ZFPM2: variants seen among roughly 807,000 people sequenced by gnomAD.
ZFPM2 encodes zinc finger protein ZFPM2.
Under a neutral mutation model 98.6 loss-of-function variants are expected in ZFPM2, and 20 were observed. The observed-to-expected ratio is 0.20, with a 90% CI of 0.14 to 0.29. The LOEUF is 0.29. ZFPM2 is among the 10% of genes least tolerant of loss of function. The pLI is 1.00. For synonymous variants in ZFPM2, 518 were observed against 502.7 expected (o/e 1.03, Z -0.41); for missense variants, 1,310 against 1,388.6 (o/e 0.94, Z 0.90).
chr8:105,650,458 A>C (rs1586174238), intron 5 of ZFPM2, among the ~76,000 whole-genome samples: 1 of 151,984 alleles, frequency 6.6e-6, no homozygotes, highest in African/African-American at 2.4e-5. Context: ...AGTTCTTTCA[A>C]TTGTGATATT....
At chr8:105,476,687 T>G (rs1813018563) in intron 3 of ZFPM2, among the ~76,000 whole-genome samples, 1 of 152,322 alleles carries the variant, frequency 6.6e-6, no homozygotes, top group South Asian at 2.1e-4. Context: ...TTGCATAGTA[T>G]AGGGCCCATA....
intron 3 of ZFPM2, among the ~76,000 whole-genome samples, chr8:105,478,629 G>A (rs1257977888): frequency 6.6e-6 from 1 of 152,226 alleles, no homozygotes; most frequent in South Asian, 2.1e-4. Flanking sequence ...TAAAATCTGA[G>A]TTAAATAAGA....
intron 3 of ZFPM2, among the ~76,000 whole-genome samples, chr8:105,552,588 T>C (rs1375044478): frequency 6.6e-6 from 1 of 152,104 alleles, no homozygotes; most frequent in African/African-American, 2.4e-5. Context: ...TTTCCGAACA[T>C]TTGCAAGAGC....
chr8:105,652,482 C>T (rs2130871045), intron 5 of ZFPM2, among the ~76,000 whole-genome samples: 1 of 151,464 alleles, frequency 6.6e-6, no homozygotes, highest in African/African-American at 2.4e-5. Context: ...ATCAGAAATA[C>T]ATATAGATAA....
intron 7 of ZFPM2, among the ~76,000 whole-genome samples, chr8:105,800,458 GATAGAGATAAACT>G (rs1813967113): frequency 6.6e-6 from 1 of 151,612 alleles, no homozygotes; most frequent in African/African-American, 2.4e-5. Context: ...ATCAGCCCTG[GATAGAGATAAACT>G]ATGTTCAGCA....
At chr8:105,394,116 A>T (rs537649496) in intron 1 of ZFPM2, among the ~76,000 whole-genome samples, 5 of 152,176 alleles carry the variant, frequency 3.3e-5, no homozygotes, top group South Asian at 2.1e-4. Flanking sequence ...GATGGTCTCT[A>T]TCTCCTGACC....
chr8:105,608,171 C>T (rs1816233769), intron 4 of ZFPM2, among the ~76,000 whole-genome samples: 1 of 151,940 alleles, frequency 6.6e-6, no homozygotes, highest in Admixed American at 6.6e-5. Flanking sequence ...ACACTGGGGA[C>T]TACTTGAGTT....
chr8:105,409,224 T>C (rs1811527581), intron 1 of ZFPM2, among the ~76,000 whole-genome samples: 1 of 151,924 alleles, frequency 6.6e-6, no homozygotes, highest in African/African-American at 2.4e-5. Context: ...TCAAACAGCA[T>C]GCCATAATTT....
At chr8:105,422,639 A>G (rs1811818998) in intron 2 of ZFPM2, among the ~76,000 whole-genome samples, 1 of 152,144 alleles carries the variant, frequency 6.6e-6, no homozygotes, top group Non-Finnish European at 1.5e-5. Context: ...ATGGGTCCCA[A>G]GCATAAAAAT....
chr8:105,393,283 A>G (rs1490539117), intron 1 of ZFPM2, among the ~76,000 whole-genome samples: 1 of 151,484 alleles, frequency 6.6e-6, no homozygotes, highest in Admixed American at 6.6e-5. Context: ...AAGAAATTAT[A>G]TTCTTCAGAA....
At chr8:105,388,625 CAT>C (rs1811047611) in intron 1 of ZFPM2, among the ~76,000 whole-genome samples, 1 of 152,122 alleles carries the variant, frequency 6.6e-6, no homozygotes, top group South Asian at 2.1e-4. Flanking sequence ...TTGGGACAAA[CAT>C]AATGGGATTT....
chr8:105,622,653 G>A (rs932340908), intron 4 of ZFPM2, among the ~76,000 whole-genome samples: 2 of 152,240 alleles, frequency 1.3e-5, no homozygotes, highest in South Asian at 4.1e-4. Flanking sequence ...AGCATGTTGA[G>A]TGGATCTGTT....
At chr8:105,680,631 T>C (rs1810579215) in intron 5 of ZFPM2, among the ~76,000 whole-genome samples, 1 of 152,180 alleles carries the variant, frequency 6.6e-6, no homozygotes, top group Non-Finnish European at 1.5e-5. Context: ...AGAGAAATTA[T>C]GTTCCTTTTT....
chr8:105,596,596 G>A (rs1279622054), intron 4 of ZFPM2, among the ~76,000 whole-genome samples: 3 of 151,878 alleles, frequency 2.0e-5, no homozygotes, highest in Non-Finnish European at 4.4e-5. Context: ...GGGATCTAAA[G>A]CTTCTTTTGT....
chr8:105,358,349 T>C (rs1220826568), intron 1 of ZFPM2: 1 of 152,120 alleles, frequency 6.6e-6, no homozygotes, highest in Non-Finnish European at 1.5e-5. Flanking sequence ...CCCCAAGGTT[T>C]ATTTTTAATG....
intron 1 of ZFPM2, among the ~76,000 whole-genome samples, chr8:105,401,303 G>C (rs2129983820): frequency 6.6e-6 from 1 of 151,740 alleles, no homozygotes; most frequent in African/African-American, 2.4e-5. Context: ...TTTTTAAAAT[G>C]GAACAAGCTT....
At chr8:105,792,007 G>A (rs1445108766) in intron 6 of ZFPM2, among the ~76,000 whole-genome samples, 2 of 151,988 alleles carry the variant, frequency 1.3e-5, no homozygotes. Flanking sequence ...CTTGCTAGCG[G>A]TCTATCAATT....
Position 105,542,538 on chromosome 8 carries a change from T to C in ZFPM2, c.302-18825T>C, listed in dbSNP as rs113473650. On this transcript the variant is annotated intron_variant, in intron 3 of 7. Transcript: ENST00000407775. ...TCAATGAATACAGTTGGCCCCTCCC[T>C]ATCAGTGAGTTCCCTATCCACAACC... Among the ~76,000 whole-genome samples, 1,128 of 152,292 alleles carry C rather than the reference T, an allele frequency of 7.4e-3. 11 individuals carry two copies. The highest frequency in any genetic ancestry group is 0.025 in the African/African-American group (1,044 of 41,570).
At chr8:105,425,113 A>C (rs530334625) in intron 2 of ZFPM2, among the ~76,000 whole-genome samples, 31 of 152,274 alleles carry the variant, frequency 2.0e-4, no homozygotes, top group African/African-American at 6.0e-4. Context: ...TGGGGAGCAG[A>C]AGAGGCACTG....
Sources: allele counts gnomAD v4.1 joint callset (sites outside exome capture counted in the v4.1 genomes callset), GRCh38; gene constraint gnomAD v4.1.1; transcripts MANE v1.5; gene names NCBI Gene and HGNC (gene_info 2026-07-23, HGNC 2026-07-21).